Variants in ASB18 observed in about 807,000 individuals in gnomAD.
ASB18 encodes ankyrin repeat and SOCS box containing 18.
Under a neutral mutation model 33.4 loss-of-function variants are expected in ASB18, and 33 were observed. That is an observed-to-expected ratio of 0.99 (90% CI 0.75 to 1.32). The LOEUF (loss-of-function observed/expected upper bound fraction) is 1.32, where lower values mean the gene tolerates loss of function less well. Ranked by LOEUF, ASB18 falls within the 40% of genes most tolerant of loss-of-function variation. The probability of loss-of-function intolerance (pLI) is 0.00; values close to 1 mark genes in which losing one functional copy is unlikely to be tolerated. For missense variants in ASB18, 694 were observed against 655.5 expected (o/e 1.06, Z -0.64); for synonymous variants, 295 against 307.6 (o/e 0.96, Z 0.43).
chr2:236,235,582 G>A lies in ASB18; in HGVS notation c.596+2107C>T, dbSNP rs548003503. 8.3e-4 allele frequency among the ~76,000 whole-genome samples: 127 copies of A among 152,316 alleles called. No homozygotes were observed. Among genetic ancestry groups the A allele is most frequent in the African/African-American group, 3.0e-3 (125 of 41,572 alleles). On this transcript the variant is annotated intron_variant, in intron 3 of 5. Coordinates refer to ENST00000409749, the MANE Select transcript of ASB18 (RefSeq NM_212556.4). The surrounding 1 kb of genome is among the most constrained non-coding windows in gnomAD (Gnocchi z 6.2). ...GACATGTGTACACACCTATTAGAAT[G>A]TATACAATTAAGCCCTGACCATACC...
At position 236,194,916 on chromosome 2, in the gene ASB18, G is replaced by A. The variant is rs745987684; in HGVS notation, c.1357C>T (p.Leu453=). 2 of 1,613,840 alleles carry A rather than the reference G, an allele frequency of 1.2e-6. No individual in the cohort carries two copies. Among genetic ancestry groups the A allele is most frequent in the Non-Finnish European group, 1.7e-6 (2 of 1,179,834 alleles). The stretch of plus-strand genomic sequence containing the variant: ...GGCTCCAAAAGTAGGTAATTCTGCA[G>A]GGGCTTTGGCAAGGGTAACAGGGGG... The part of the protein sequence containing the change: ...LIPLLPLPKP[L]QNYLLLEPQG... The change falls in exon 6 of 6, where the codon CTG becomes TTG. Residue 453 remains leucine (L), a synonymous_variant. Coordinates refer to ENST00000409749, the MANE Select transcript of ASB18 (RefSeq NM_212556.4). The surrounding 1 kb of genome is among the most constrained non-coding windows in gnomAD (Gnocchi z 4.5).
In ASB18 at chr2:236,252,536, C is replaced by T. The variant is rs1332195510; in HGVS notation, c.206-11134G>A. Among the ~76,000 whole-genome samples the T allele has an allele frequency of 6.6e-6, 1 of 152,086 alleles. No homozygotes were observed. Among genetic ancestry groups the T allele is most frequent in the Non-Finnish European group, 1.5e-5 (1 of 68,008 alleles). ...GTGTAGGACACGGAAGGTGCATTTC[C>T]TCCCCAGGATGTCTGTTTTCTCCTC... On this transcript the variant is annotated intron_variant, in intron 1 of 5. Transcript: ENST00000409749. The surrounding 1 kb of genome is among the most constrained non-coding windows in gnomAD (Gnocchi z 7.9).
At chr2:236,232,400 G>A (rs1392633369) in intron 3 of ASB18, among the ~76,000 whole-genome samples, 2 of 151,934 alleles carry the variant, frequency 1.3e-5, no homozygotes, top group East Asian at 3.8e-4. Flanking sequence ...AAACATGAAA[G>A]TTCCTGACTC....
In ASB18 at chr2:236,248,620, G is replaced by C. The variant is rs1481264988; in HGVS notation, c.206-7218C>G. ...AAAAAAAAAAAAGAAAGAAAAAAGA[G>C]TCCCCAGGTACTTCTAACATGCAGC... On this transcript the variant is annotated intron_variant, in intron 1 of 5. Coordinates refer to ENST00000409749, the MANE Select transcript of ASB18 (RefSeq NM_212556.4). The surrounding 1 kb of genome is among the most constrained non-coding windows in gnomAD (Gnocchi z 4.9). The C allele has an allele frequency of 6.6e-6, 1 of 151,874 alleles. No individual in the cohort carries two copies. The highest frequency in any genetic ancestry group is 1.5e-5 in the Non-Finnish European group (1 of 68,020). The allele number at this position is 151,874 out of a possible 1,614,324, so 9.4% of individuals were successfully genotyped here. A position where few individuals can be genotyped will look rare whatever the true frequency, so the allele number is the denominator to read the frequency against.
chr2:236,214,418 C>A lies in ASB18; in HGVS notation c.1045G>T (p.Val349Leu), dbSNP rs976303787. Residue 349 changes from valine to leucine, a missense_variant, in exon 4 of 6, where the codon GTG becomes TTG. By Grantham distance (32) the Val-to-Leu change is conservative (BLOSUM62 1). Transcript: ENST00000409749. This position sits in a 1 kb window ranked among gnomAD's most constrained non-coding sequence, Gnocchi z 6.5. ...CALQASPQRT[V>L]QALLNHGSPT... ...GAGCCGTGGTTGAGCAGCGCCTGCACCGTGCGCTGCGGTGAGGCCTGGAGA... is the reference window on the plus strand; with the variant it reads ...GAGCCGTGGTTGAGCAGCGCCTGCAACGTGCGCTGCGGTGAGGCCTGGAGA... 5 of 1,566,254 alleles carry A rather than the reference C, an allele frequency of 3.2e-6. No individual in the cohort carries two copies. Among genetic ancestry groups the A allele is most frequent in the Non-Finnish European group, 3.4e-6 (4 of 1,162,624 alleles).
rs947354201 is a variant in ASB18 at position 236,208,699 on chromosome 2, C to T, written c.1101+5663G>A. Among the ~76,000 whole-genome samples the T allele has an allele frequency of 6.6e-6, 1 of 152,136 alleles. No individual in the cohort carries two copies. The highest frequency in any genetic ancestry group is 2.4e-5 in the African/African-American group (1 of 41,428). The stretch of plus-strand genomic sequence containing the variant: ...TTCATTTTCTGTCTCTCCTCTGTTC[C>T]ACCTCTCTGGGGCTCCCTGCCCCTC... On this transcript the variant is annotated intron_variant, in intron 4 of 5. Coordinates refer to ENST00000409749, the MANE Select transcript of ASB18 (RefSeq NM_212556.4). This position sits in a 1 kb window ranked among gnomAD's most constrained non-coding sequence, Gnocchi z 7.7.
At chr2:236,243,798 A>AT (rs1308005076) in intron 1 of ASB18, among the ~76,000 whole-genome samples, 1 of 152,030 alleles carries the variant, frequency 6.6e-6, no homozygotes, top group East Asian at 1.9e-4. Flanking sequence ...AAATAAGCTC[A>AT]TTTTTTTCTT....
rs2060640265 is a variant in ASB18 at position 236,245,381 on chromosome 2, TTCTG to T, written c.206-3983_206-3980del. Among the ~76,000 whole-genome samples, 2 of 152,204 alleles carry T rather than the reference TTCTG, an allele frequency of 1.3e-5. No homozygotes were observed. The highest frequency in any genetic ancestry group is 4.1e-4 in the South Asian group (2 of 4,834). On this transcript the variant is annotated intron_variant, in intron 1 of 5. Transcript: ENST00000409749. The surrounding 1 kb of genome is among the most constrained non-coding windows in gnomAD (Gnocchi z 4.7). The stretch of plus-strand genomic sequence containing the variant: ...CAGATTCAGTTACCTTTCTCAAGAT[TTCTG>T]AATCCTGACATAGCCAGTGCCCAAG...
rs567670343 is a variant in ASB18, at chr2:236,256,821, C to T, written c.205+7320G>A. Among the ~76,000 whole-genome samples, 7 of 152,114 alleles carry T rather than the reference C, an allele frequency of 4.6e-5. No individual in the cohort carries two copies. Among genetic ancestry groups the T allele is most frequent in the South Asian group, 2.1e-4 (1 of 4,816 alleles). Reference sequence around the variant, plus strand: ...TTTCTTGTCCATATGCCTTTGAAGCCGGACCATTAGCTCTAAGGCATGCAT... The same window carrying T: ...TTTCTTGTCCATATGCCTTTGAAGCTGGACCATTAGCTCTAAGGCATGCAT... On this transcript the variant is annotated intron_variant, in intron 1 of 5. Transcript: ENST00000409749. The surrounding 1 kb of genome is among the most constrained non-coding windows in gnomAD (Gnocchi z 4.7).
At chr2:236,236,513 C>T (rs2060589819) in intron 3 of ASB18, among the ~76,000 whole-genome samples, 1 of 152,184 alleles carries the variant, frequency 6.6e-6, no homozygotes, top group African/African-American at 2.4e-5. Flanking sequence ...TAAACACGTG[C>T]CGCTTGCTGA....
At chr2:236,201,186 C>A (rs1285420720) in intron 4 of ASB18, among the ~76,000 whole-genome samples, 1 of 151,782 alleles carries the variant, frequency 6.6e-6, no homozygotes, top group Non-Finnish European at 1.5e-5. Context: ...GGGTCTTGCT[C>A]TGTCACCTAT....
In ASB18 at chr2:236,257,025, A is replaced by G. The variant is rs1425083962; in HGVS notation, c.205+7116T>C. On this transcript the variant is annotated intron_variant, in intron 1 of 5. Transcript: ENST00000409749. This position sits in a 1 kb window ranked among gnomAD's most constrained non-coding sequence, Gnocchi z 5.5. ...TTCCTAAATAATTCAACTATATTCA[A>G]AGATAATCTGATGTTATTGTAGGAA... is the stretch of plus-strand genomic sequence containing the variant. 4.6e-5 allele frequency among the ~76,000 whole-genome samples: 7 copies of G among 152,240 alleles called. No individual in the cohort carries two copies. Among genetic ancestry groups the G allele is most frequent in the Admixed American group, 3.3e-4 (5 of 15,290 alleles).
At chr2:236,197,531 T>C (rs1438447579) in intron 4 of ASB18, among the ~76,000 whole-genome samples, 2 of 152,172 alleles carry the variant, frequency 1.3e-5, no homozygotes, top group East Asian at 3.9e-4. Context: ...GTAGTTGGAT[T>C]TAGAAGCTGG....
rs1553600513 is a variant in ASB18, at chr2:236,217,424, A to AAATAAAAAAAT, written c.597-2559_597-2558insATTTTTTTATT. On this transcript the variant is annotated intron_variant, in intron 3 of 5. Coordinates refer to ENST00000409749, the MANE Select transcript of ASB18 (RefSeq NM_212556.4). The surrounding 1 kb of genome is among the most constrained non-coding windows in gnomAD (Gnocchi z 5.2). ...CGAGACTCTGTCTCAAAAAAAAAAA[A>AAATAAAAAAAT]AAATAAATCTTGGCACCTTCAACTC... 6.7e-6 allele frequency among the ~76,000 whole-genome samples: 1 copy of AAATAAAAAAAT among 150,306 alleles called. No homozygotes were observed. The highest frequency in any genetic ancestry group is 2.5e-5 in the African/African-American group (1 of 40,404).
chr2:236,260,405 C>T lies in ASB18; in HGVS notation c.205+3736G>A, dbSNP rs1462267396. Among the ~76,000 whole-genome samples the T allele has an allele frequency of 6.6e-6, 1 of 152,110 alleles. No homozygotes were observed. Among genetic ancestry groups the T allele is most frequent in the Non-Finnish European group, 1.5e-5 (1 of 68,038 alleles). On this transcript the variant is annotated intron_variant, in intron 1 of 5. Coordinates refer to ENST00000409749, the MANE Select transcript of ASB18 (RefSeq NM_212556.4). The surrounding 1 kb of genome is among the most constrained non-coding windows in gnomAD (Gnocchi z 5.1). Reference sequence around the variant, plus strand: ...TTTCGGTGTTTGACAGTGTCCATTCCCAATATGTGCTGCATTTCAAGGTCA... The same window carrying T: ...TTTCGGTGTTTGACAGTGTCCATTCTCAATATGTGCTGCATTTCAAGGTCA...
rs199776358 is a variant in ASB18, at chr2:236,241,383, C to T, written c.225G>A (p.Lys75=). The change falls in exon 2 of 6, where the codon AAG becomes AAA. Residue 75 remains lysine (K), a synonymous_variant. Coordinates refer to ENST00000409749, the MANE Select transcript of ASB18 (RefSeq NM_212556.4). The surrounding 1 kb of genome is among the most constrained non-coding windows in gnomAD (Gnocchi z 4.2). ...GMLLGDLDHL[K]PLMDQFFQDA... ...CCTGGAAGAACTGGTCCATGAGGGG[C>T]TTCAGATGGTCGAGGTCCCCTGCGA... The T allele has an allele frequency of 5.0e-5, 80 of 1,613,852 alleles. No homozygotes were observed. Among genetic ancestry groups the T allele is most frequent in the Non-Finnish European group, 6.6e-5 (78 of 1,179,892 alleles).
chr2:236,230,902 G>A (rs2060560998), intron 3 of ASB18, among the ~76,000 whole-genome samples: 1 of 152,012 alleles, frequency 6.6e-6, no homozygotes, highest in Non-Finnish European at 1.5e-5. Flanking sequence ...TCTACACCCA[G>A]TTAAAAAACA....
chr2:236,201,687 ATT>A (rs67471309), intron 4 of ASB18, among the ~76,000 whole-genome samples: 24,774 of 142,166 alleles, frequency 0.17, 2,010 homozygotes, highest in South Asian at 0.26. Flanking sequence ...ACTGCACTTC[ATT>A]TTTTTTTTTT....
rs113672805 is a variant in ASB18 at position 236,252,267 on chromosome 2, TCACACACACACACACACACACACACA to T, written c.206-10891_206-10866del. On this transcript the variant is annotated intron_variant, in intron 1 of 5. Transcript: ENST00000409749. This position sits in a 1 kb window ranked among gnomAD's most constrained non-coding sequence, Gnocchi z 7.9. The stretch of plus-strand genomic sequence containing the variant: ...GCCTTGGCAACAGAGTGAGACTCCG[TCACACACACACACACACACACACACA>T]CACACACACACACACAGTAGAAATC... Among the ~76,000 whole-genome samples, 11 of 138,580 alleles carry T rather than the reference TCACACACACACACACACACACACACA, an allele frequency of 7.9e-5. No homozygotes were observed. The highest frequency in any genetic ancestry group is 2.6e-4 in the African/African-American group (10 of 38,774). 90.9% of individuals were successfully genotyped at this position (138,580 alleles called of 152,430 possible).
Sources: gnomAD v4.1 joint callset for allele counts (sites outside exome capture counted in the v4.1 genomes callset) on GRCh38, gnomAD v4.1.1 for gene constraint, Gnocchi (gnomAD v3.1) non-coding constraint, MANE v1.5 for transcripts, NCBI Gene and HGNC (gene_info 2026-07-23, HGNC 2026-07-21) for gene names.